BCL3: variants seen among roughly 807,000 people sequenced by gnomAD.
The protein encoded by BCL3 is BCL3 transcription coactivator, also known as B-cell lymphoma 3 protein.
In BCL3, 15 loss-of-function variants were observed where a neutral mutation model predicts 35.7. That is an observed-to-expected ratio of 0.42 (90% CI 0.28 to 0.65). The LOEUF (loss-of-function observed/expected upper bound fraction) is 0.65. Ranked by LOEUF, BCL3 falls within the 30% of genes least tolerant of loss-of-function variation. The probability of loss-of-function intolerance (pLI) is 0.22; values close to 1 mark genes in which losing one functional copy is unlikely to be tolerated. For synonymous variants in BCL3, 311 were observed against 284.3 expected (o/e 1.09, Z -0.95); for missense variants, 565 against 641.7 (o/e 0.88, Z 1.29).
chr19:44,751,197 C>T (rs768680770), intron 1 of BCL3, 30 bp from the exon 2 acceptor site: 21 of 1,592,756 alleles, frequency 1.3e-5, no homozygotes, highest in Non-Finnish European at 1.6e-5. Flanking sequence ...TGGCCTCACC[C>T]ATGTCCCTTC....
At chr19:44,754,360 G>A (rs774003915) in intron 2 of BCL3, among the ~76,000 whole-genome samples, 8 of 152,164 alleles carry the variant, frequency 5.3e-5, no homozygotes, top group Non-Finnish European at 8.8e-5. Flanking sequence ...CCTCAAGGGA[G>A]CTAGGTCTTC....
Position 44,759,783 on chromosome 19 carries a change from A to C in BCL3, c.*168A>C. On this transcript the variant is annotated 3_prime_UTR_variant, in exon 9 of 9. Coordinates refer to ENST00000164227, the MANE Select transcript of BCL3 (RefSeq NM_005178.5). ...TACCCATACACCCCCTCTTCTGAGC[A>C]CAGATGTTCCCCCATCTCGCTCCCT... is the stretch of plus-strand genomic sequence containing the variant. 1 of 514,068 alleles carries C rather than the reference A, an allele frequency of 1.9e-6. No homozygotes were observed. Among genetic ancestry groups the C allele is most frequent in the South Asian group, 2.5e-5 (1 of 39,848 alleles). 31.8% of individuals were successfully genotyped at this position (514,068 alleles called of 1,614,324 possible). A position where few individuals can be genotyped will look rare whatever the true frequency, so the allele number is the denominator to read the frequency against.
At position 44,757,570 on chromosome 19, in the gene BCL3, G is replaced by C; in HGVS notation, c.814-76G>C. 6 of 1,566,330 alleles carry C rather than the reference G, an allele frequency of 3.8e-6. 1 individual carries two copies. The South Asian group carries it at 4.5e-5, about 12-fold the overall frequency. On this transcript the variant is annotated intron_variant, in intron 5 of 8. Coordinates refer to ENST00000164227, the MANE Select transcript of BCL3 (RefSeq NM_005178.5). This position sits in a 1 kb window ranked among gnomAD's most constrained non-coding sequence, Gnocchi z 8.4. The stretch of plus-strand genomic sequence containing the variant: ...AGAGAGAGGCTGGACCCCGCGAATG[G>C]GATGTGGACGGGATGCGGGTCGCCG...
intron 3 of BCL3, among the ~76,000 whole-genome samples, chr19:44,756,573 G>A (rs1449295192): frequency 0.01 from 1,496 of 144,434 alleles, 27 homozygotes; most frequent in South Asian, 0.046. Context: ...GAGTCTGAGG[G>A]AGGAGGGCTG....
In BCL3 at chr19:44,757,445, C is replaced by A; in HGVS notation, c.813+30C>A. ...GCGTGCACTAGGAGCTGGGAGGGAG[C>A]GGGGCCTTAGCAGGGGCGGGGTCTT... On this transcript the variant is annotated intron_variant, in intron 5 of 8. Transcript: ENST00000164227. This position sits in a 1 kb window ranked among gnomAD's most constrained non-coding sequence, Gnocchi z 8.4. 1 of 484,452 alleles carries A rather than the reference C, an allele frequency of 2.1e-6. No homozygotes were observed. Among genetic ancestry groups the A allele is most frequent in the East Asian group, 7.9e-5 (1 of 12,638 alleles). The allele number at this position is 484,452 out of a possible 1,614,324, so 30.0% of individuals were successfully genotyped here.
rs1206236809 is a variant in BCL3 at position 44,751,238 on chromosome 19, C to T, written c.268C>T (p.Pro90Ser). Reference protein sequence around the residue: ...EALYYPGALLPLYPTRAMGSP... With the variant: ...EALYYPGALLSLYPTRAMGSP... ...CCTCCATTGTCCAGGAGCCTTACTGCCTTTGTACCCCACTCGGGCCATGGG... is the reference window on the plus strand; with the variant it reads ...CCTCCATTGTCCAGGAGCCTTACTGTCTTTGTACCCCACTCGGGCCATGGG... Residue 90 changes from proline to serine, a missense_variant, in exon 2 of 9, where the codon CCT (proline) becomes TCT (serine). Around this residue, in one of 5 missense-constraint regions of BCL3, gnomAD observed 267 missense variants for 281.5 expected, o/e 0.95. Coordinates refer to ENST00000164227, the MANE Select transcript of BCL3 (RefSeq NM_005178.5). 1 of 1,610,938 alleles carries T rather than the reference C, an allele frequency of 6.2e-7. No homozygotes were observed. The highest frequency in any genetic ancestry group is 1.7e-5 in the Admixed American group (1 of 59,490).
At chr19:44,758,947 C>T in intron 8 of BCL3, 106 bp downstream of exon 8, 1 of 965,660 alleles carries the variant, frequency 1.0e-6, no homozygotes, top group East Asian at 2.7e-5. Context: ...AGGCCCCTAG[C>T]CTCCTCCCTC....
intron 1 of BCL3, among the ~76,000 whole-genome samples, chr19:44,750,523 T>C (rs1967158226): frequency 6.6e-6 from 1 of 152,112 alleles, no homozygotes; most frequent in Non-Finnish European, 1.5e-5. Context: ...GGTATTGAAC[T>C]CCTGACCTCA....
rs1967387372 is a variant in BCL3 at position 44,759,679 on chromosome 19, C to T, written c.*64C>T. 2.5e-6 allele frequency: 3 copies of T among 1,190,070 alleles called. No individual in the cohort carries two copies. The highest frequency in any genetic ancestry group is 3.5e-6 in the Non-Finnish European group (3 of 860,822). 73.7% of individuals were successfully genotyped at this position (1,190,070 alleles called of 1,614,324 possible). ...GCCCCCCTGCCCTGTGGGGTCAACC[C>T]TTCTGGAAACTGTGAAGATCTCACT... On this transcript the variant is annotated 3_prime_UTR_variant, in exon 9 of 9. Transcript: ENST00000164227.
intron 1 of BCL3, among the ~76,000 whole-genome samples, chr19:44,749,286 G>GGT (rs1967131316): frequency 4.0e-5 from 1 of 24,942 alleles, no homozygotes; most frequent in Non-Finnish European, 7.1e-5. Context: ...GAGTGACGTG[G>GGT]GGGGGGGGGG....
At chr19:44,750,974 T>C (rs1027851954) in intron 1 of BCL3, among the ~76,000 whole-genome samples, 2 of 152,126 alleles carry the variant, frequency 1.3e-5, no homozygotes, top group Admixed American at 1.3e-4. Context: ...CTTTGTCTGA[T>C]TGGAGATTGA....
chr19:44,756,299 C>G lies in BCL3; in HGVS notation c.478C>G (p.Gln160Glu). The change falls in exon 3 of 9, where the codon CAG (glutamine) becomes GAG (glutamate). Residue 160 changes from glutamine (Q) to glutamate (E), a missense_variant. By Grantham distance (29) the Gln-to-Glu change is conservative. Coordinates refer to ENST00000164227, the MANE Select transcript of BCL3 (RefSeq NM_005178.5). ...AVHRLVNLFQ[Q>E]GGRELDIYNN... ...GCACCGGCTGGTCAACCTCTTCCAG[C>G]AGGGGGGCCGGGAGCTCGACATCTA... 1 of 1,547,894 alleles carries G rather than the reference C, an allele frequency of 6.5e-7. No individual in the cohort carries two copies.
At position 44,759,317 on chromosome 19, in the gene BCL3, G is replaced by T. The variant is rs1280782494; in HGVS notation, c.1178-111G>T. On this transcript the variant is annotated intron_variant, in intron 8 of 8. Transcript: ENST00000164227. ...CCCCAGCCCCTCCTCCCTCAGACCC[G>T]AGTCCAGACCCCCAGCCCCTCCTCC... is the stretch of plus-strand genomic sequence containing the variant. 6.5e-5 allele frequency: 24 copies of T among 370,046 alleles called. 2 individuals carry two copies. Among genetic ancestry groups the T allele is most frequent in the Non-Finnish European group, 9.6e-5 (22 of 228,130 alleles). 22.9% of individuals were successfully genotyped at this position (370,046 alleles called of 1,614,324 possible). A position where few individuals can be genotyped will look rare whatever the true frequency, so the allele number is the denominator to read the frequency against.
chr19:44,754,854 C>T (rs1352116805), intron 2 of BCL3, among the ~76,000 whole-genome samples: 1 of 152,260 alleles, frequency 6.6e-6, no homozygotes, highest in Non-Finnish European at 1.5e-5. Context: ...ACTGAGGCTC[C>T]GAAAGGCCCC....
In BCL3 at chr19:44,748,957, C is replaced by T; in HGVS notation, c.167C>T (p.Pro56Leu). The change falls in exon 1 of 9, where the codon CCC becomes CTC. Residue 56 changes from proline (P) to leucine (L), a missense_variant. Pro to Leu is a moderately conservative substitution (Grantham distance 98). Transcript: ENST00000164227. ...APRGAAGLVVPLDPLRGGCDL... is the reference protein window; with the variant it reads ...APRGAAGLVVLLDPLRGGCDL... The stretch of plus-strand genomic sequence containing the variant: ...CGCGGCGCTGCGGGCCTTGTCGTCC[C>T]CCTGGACCCTCTGCGCGGCGGCTGC... The T allele has an allele frequency of 7.4e-7, 1 of 1,357,974 alleles. No individual in the cohort carries two copies. Among genetic ancestry groups the T allele is most frequent in the Non-Finnish European group, 9.5e-7 (1 of 1,051,768 alleles). 84.1% of individuals were successfully genotyped at this position (1,357,974 alleles called of 1,614,324 possible). A position where few individuals can be genotyped will look rare whatever the true frequency, so the allele number is the denominator to read the frequency against.
chr19:44,756,652 G>GA (rs1967292713), intron 3 of BCL3, among the ~76,000 whole-genome samples: 1 of 151,456 alleles, frequency 6.6e-6, no homozygotes, highest in African/African-American at 2.4e-5. Context: ...AGGGAGGAGG[G>GA]CTGGGGTCTG....
rs1275576488 is a variant in BCL3 at position 44,757,775 on chromosome 19, C to T, written c.891+52C>T. The T allele has an allele frequency of 2.6e-6, 4 of 1,558,876 alleles. No individual in the cohort carries two copies. The highest frequency in any genetic ancestry group is 3.9e-4 in the Middle Eastern group (2 of 5,126). On this transcript the variant is annotated intron_variant, in intron 6 of 8. Coordinates refer to ENST00000164227, the MANE Select transcript of BCL3 (RefSeq NM_005178.5). The surrounding 1 kb of genome is among the most constrained non-coding windows in gnomAD (Gnocchi z 8.4). Reference sequence around the variant, plus strand: ...GCCCACCCTATCCTCTGACCCCAACCCGGCTCTGGCCTCAGCCCCTAGCTC... The same window carrying T: ...GCCCACCCTATCCTCTGACCCCAACTCGGCTCTGGCCTCAGCCCCTAGCTC...
At chr19:44,758,675 A>G (rs1013047154) in intron 7 of BCL3, 49 bp from the exon 8 acceptor site, 1 of 1,470,912 alleles carries the variant, frequency 6.8e-7, no homozygotes, top group Non-Finnish European at 9.3e-7. Context: ...GATGGGAGAG[A>G]GGACTGTGAG....
At position 44,759,417 on chromosome 19, in the gene BCL3, T is replaced by C; in HGVS notation, c.1178-11T>C. The stretch of plus-strand genomic sequence containing the variant: ...TCACCACCCACCCCTCTGTCTCTCT[T>C]CCTTCCTCAGGTCTTCTCTCCGCAT... On this transcript the variant is annotated splice_polypyrimidine_tract_variant and intron_variant, in intron 8 of 8. Coordinates refer to ENST00000164227, the MANE Select transcript of BCL3 (RefSeq NM_005178.5). 1 of 1,585,414 alleles carries C rather than the reference T, an allele frequency of 6.3e-7. No individual in the cohort carries two copies. Among genetic ancestry groups the C allele is most frequent in the Admixed American group, 1.7e-5 (1 of 58,074 alleles).
Sources: gnomAD v4.1 joint callset for allele counts (sites outside exome capture counted in the v4.1 genomes callset) on GRCh38, gnomAD v4.1.1 for gene constraint, gnomAD v4.1.1 regional missense constraint, Gnocchi (gnomAD v3.1) non-coding constraint, MANE v1.5 for transcripts, NCBI Gene and HGNC (gene_info 2026-07-23, HGNC 2026-07-21) for gene names.